SPECC1L: variants seen among roughly 807,000 people sequenced by gnomAD.
SPECC1L encodes cytospin-A.
In SPECC1L, 40 loss-of-function variants were observed where a neutral mutation model predicts 116.8. The observed-to-expected ratio is 0.34, with a 90% CI of 0.27 to 0.45. The LOEUF (loss-of-function observed/expected upper bound fraction) is 0.45, where lower values mean the gene tolerates loss of function less well. SPECC1L is among the 20% of genes least tolerant of loss of function. SPECC1L has a pLI of 1.00. For synonymous variants in SPECC1L, 504 were observed against 500.6 expected (o/e 1.01, Z -0.09); for missense variants, 1,110 against 1,373.6 (o/e 0.81, Z 3.03).
chr22:24,409,865 AAAAC>A (rs747673149), intron 14 of SPECC1L, among the ~76,000 whole-genome samples: 1 of 152,162 alleles, frequency 6.6e-6, no homozygotes, highest in Non-Finnish European at 1.5e-5. Context: ...TCTCTACAAA[AAAAC>A]AAACAAAATT....
chr22:24,341,315 G>A (rs1350122461), intron 10 of SPECC1L, among the ~76,000 whole-genome samples: 1 of 152,194 alleles, frequency 6.6e-6, no homozygotes, highest in Non-Finnish European at 1.5e-5. Context: ...AGCCCCGCAA[G>A]AATAATTTTC....
intron 10 of SPECC1L, among the ~76,000 whole-genome samples, chr22:24,341,204 A>G (rs1039636961): frequency 6.6e-6 from 1 of 152,216 alleles, no homozygotes; most frequent in Non-Finnish European, 1.5e-5. Flanking sequence ...GCATAGAGAA[A>G]GGAGTATAGA....
intron 14 of SPECC1L, among the ~76,000 whole-genome samples, chr22:24,377,867 G>A (rs1054276720): frequency 1.3e-5 from 2 of 152,204 alleles, no homozygotes; most frequent in Non-Finnish European, 2.9e-5. Flanking sequence ...CACAGGCAGA[G>A]TAGATGTAGC....
chr22:24,294,179 C>G (rs1237298190), intron 2 of SPECC1L, among the ~76,000 whole-genome samples: 1 of 105,776 alleles, frequency 9.5e-6, no homozygotes, highest in African/African-American at 3.9e-5. Flanking sequence ...CTCATACCTT[C>G]GAGGTGTACC....
chr22:24,319,212 G>GTT (rs1372389305), intron 4 of SPECC1L, among the ~76,000 whole-genome samples: 1 of 152,198 alleles, frequency 6.6e-6, no homozygotes, highest in East Asian at 1.9e-4. Flanking sequence ...AAGAAAAGAG[G>GTT]TTTAATTTAC....
intron 11 of SPECC1L, among the ~76,000 whole-genome samples, chr22:24,347,698 T>G (rs1481288706): frequency 6.6e-6 from 1 of 152,048 alleles, no homozygotes; most frequent in African/African-American, 2.4e-5. Context: ...TTTTTTAAGC[T>G]GGAGTATCAC....
At position 24,405,708 on chromosome 22, in the gene SPECC1L, C is replaced by T. The variant is rs1419573916; in HGVS notation, c.3088-5880C>T. 8.6e-5 allele frequency among the ~76,000 whole-genome samples: 13 copies of T among 151,788 alleles called. 1 individual carries two copies. Among genetic ancestry groups the T allele is most frequent in the Admixed American group, 1.3e-4 (2 of 15,242 alleles). On this transcript the variant is annotated intron_variant, in intron 14 of 16. Coordinates refer to ENST00000314328, the MANE Select transcript of SPECC1L (RefSeq NM_015330.6). ...CACAAAAATTAGCCGGGCATGGTGG[C>T]GGGTGCTTACAATCCCAGCTACTCA...
At chr22:24,309,612 G>T (rs1439316373) in intron 3 of SPECC1L, among the ~76,000 whole-genome samples, 1 of 152,054 alleles carries the variant, frequency 6.6e-6, no homozygotes, top group Non-Finnish European at 1.5e-5. Flanking sequence ...TGTTGGCCAG[G>T]CTGGTCTTGA....
chr22:24,403,427 A>G (rs986130009), intron 14 of SPECC1L, among the ~76,000 whole-genome samples: 1 of 152,196 alleles, frequency 6.6e-6, no homozygotes, highest in African/African-American at 2.4e-5. Flanking sequence ...TTTTCTTCTT[A>G]GATTGCCACC....
chr22:24,335,426 T>G (rs62233126), intron 9 of SPECC1L, among the ~76,000 whole-genome samples: 1 of 152,228 alleles, frequency 6.6e-6, no homozygotes, highest in African/African-American at 2.4e-5. Flanking sequence ...CACTTCAGGT[T>G]CTGAATCAAG....
chr22:24,362,182 T>C (rs552606982), intron 11 of SPECC1L, among the ~76,000 whole-genome samples: 3 of 152,330 alleles, frequency 2.0e-5, no homozygotes, highest in Middle Eastern at 6.8e-3. Context: ...CTTGTCGGGC[T>C]GTAGCCCTAG....
intron 10 of SPECC1L, among the ~76,000 whole-genome samples, chr22:24,344,981 C>G (rs890231225): frequency 1.4e-4 from 22 of 151,854 alleles, no homozygotes; most frequent in Admixed American, 2.6e-4. Context: ...AACACAATAC[C>G]AATTAAAAGA....
intron 2 of SPECC1L, among the ~76,000 whole-genome samples, chr22:24,296,107 A>G (rs3966268): frequency 4.8e-4 from 72 of 151,084 alleles, no homozygotes; most frequent in African/African-American, 1.5e-3. Context: ...CTTGTGTTAT[A>G]TGTATATTGG....
At chr22:24,366,444 C>T (rs1314169564) in intron 13 of SPECC1L, among the ~76,000 whole-genome samples, 6 of 152,152 alleles carry the variant, frequency 3.9e-5, no homozygotes, top group Admixed American at 1.3e-4. Flanking sequence ...CCACCCGCCT[C>T]GGCCTCCCAA....
intron 6 of SPECC1L, among the ~76,000 whole-genome samples, chr22:24,325,918 C>G (rs1203737399): frequency 1.3e-5 from 2 of 152,116 alleles, no homozygotes; most frequent in African/African-American, 4.8e-5. Flanking sequence ...AGAAATTACA[C>G]TCCTAACATT....
At chr22:24,379,773 C>G (rs1196954365) in intron 14 of SPECC1L, among the ~76,000 whole-genome samples, 1 of 152,190 alleles carries the variant, frequency 6.6e-6, no homozygotes, top group Non-Finnish European at 1.5e-5. Context: ...AGACAGATAT[C>G]TATCTGTTCC....
At position 24,395,345 on chromosome 22, in the gene SPECC1L, G is replaced by A. The variant is rs544249127; in HGVS notation, c.3088-16243G>A. Among the ~76,000 whole-genome samples the A allele has an allele frequency of 3.9e-5, 6 of 152,262 alleles. No homozygotes were observed. In the South Asian group the frequency reaches 1.2e-3, roughly 32 times the overall value. ...GATTGAGGTGAACTTTTTGGCCTGT[G>A]GACTTAAGTTGGGAAGGTTGCATGT... On this transcript the variant is annotated intron_variant, in intron 14 of 16. Coordinates refer to ENST00000314328, the MANE Select transcript of SPECC1L (RefSeq NM_015330.6).
intron 3 of SPECC1L, among the ~76,000 whole-genome samples, chr22:24,302,597 CAAT>C (rs1178671801): frequency 2.6e-5 from 4 of 152,160 alleles, no homozygotes; most frequent in African/African-American, 9.7e-5. Context: ...GTTCATGAAA[CAAT>C]AATTGAGCAC....
intron 2 of SPECC1L, among the ~76,000 whole-genome samples, chr22:24,289,783 A>T (rs1207311180): frequency 1.3e-5 from 2 of 151,614 alleles, no homozygotes; most frequent in Non-Finnish European, 2.9e-5. Context: ...TCTCTAACCA[A>T]AGTTTGTTTT....
Sources: allele counts gnomAD v4.1 joint callset (sites outside exome capture counted in the v4.1 genomes callset), GRCh38; gene constraint gnomAD v4.1.1; transcripts MANE v1.5; gene names NCBI Gene and HGNC (gene_info 2026-07-23, HGNC 2026-07-21).